LRRC8D: variants seen among roughly 807,000 people sequenced by gnomAD.
LRRC8D encodes the protein volume-regulated anion channel subunit LRRC8D.
LRRC8D carries 20 observed loss-of-function variants against 55.8 expected under a neutral mutation model. That is an observed-to-expected ratio of 0.36 (90% confidence interval 0.25 to 0.52). The LOEUF (loss-of-function observed/expected upper bound fraction) is 0.52. Ranked by LOEUF, LRRC8D falls within the 20% of genes least tolerant of loss-of-function variation. LRRC8D has a pLI of 0.93. For synonymous variants in LRRC8D, 352 were observed against 377.0 expected (o/e 0.93, Z 0.77); for missense variants, 651 against 1,030.8 (o/e 0.63, Z 5.05).
intron 2 of LRRC8D, among the ~76,000 whole-genome samples, chr1:89,930,083 C>T (rs1663665852): frequency 6.6e-6 from 1 of 152,156 alleles, no homozygotes; most frequent in Non-Finnish European, 1.5e-5. Context: ...TCCCCCCAAC[C>T]CCCATTTCTG....
At chr1:89,924,893 A>C (rs1663517797) in intron 2 of LRRC8D, among the ~76,000 whole-genome samples, 1 of 152,176 alleles carries the variant, frequency 6.6e-6, no homozygotes, top group Non-Finnish European at 1.5e-5. Context: ...AGAAGGGAAC[A>C]ATAGACACAG....
At chr1:89,851,787 G>A (rs11584581) in intron 2 of LRRC8D, among the ~76,000 whole-genome samples, 30,551 of 152,006 alleles carry the variant, frequency 0.2, 3,706 homozygotes, top group Middle Eastern at 0.35. Flanking sequence ...TAGGATTACA[G>A]GCATGAGCCA....
intron 2 of LRRC8D, among the ~76,000 whole-genome samples, chr1:89,899,071 C>G (rs1159862993): frequency 6.6e-6 from 1 of 152,200 alleles, no homozygotes; most frequent in Admixed American, 6.5e-5. Context: ...AACACCCAGG[C>G]CTTTCATTCT....
At chr1:89,932,087 G>A (rs1663718090) in intron 2 of LRRC8D, among the ~76,000 whole-genome samples, 1 of 152,128 alleles carries the variant, frequency 6.6e-6, no homozygotes, top group Non-Finnish European at 1.5e-5. Context: ...CAGGATGATT[G>A]TCCTTGTCCT....
chr1:89,875,916 A>T (rs1307262975), intron 2 of LRRC8D, among the ~76,000 whole-genome samples: 1 of 152,244 alleles, frequency 6.6e-6, no homozygotes, highest in African/African-American at 2.4e-5. Flanking sequence ...AAAGGAATTT[A>T]AAAAATAAAG....
chr1:89,873,446 G>A (rs555480056), intron 2 of LRRC8D, among the ~76,000 whole-genome samples: 1 of 152,168 alleles, frequency 6.6e-6, no homozygotes, highest in Non-Finnish European at 1.5e-5. Flanking sequence ...AAAGCCAGCT[G>A]GAGGCAGCAA....
At position 89,933,521 on chromosome 1, in the gene LRRC8D, A is replaced by G. The variant is rs750668679; in HGVS notation, c.453A>G (p.Gln151=). Residue 151 remains glutamine (Q), a synonymous_variant, in exon 3 of 3, where the codon CAA becomes CAG. Coordinates refer to ENST00000337338, the MANE Select transcript of LRRC8D (RefSeq NM_001134479.2). This position sits in a 1 kb window ranked among gnomAD's most constrained non-coding sequence, Gnocchi z 7.0. The stretch of plus-strand genomic sequence containing the variant: ...TTCAGCAATATGTATTTATTAATCA[A>G]ATGTGTTACCATCTGGCCCTTCCGT... ...LDFQQYVFIN[Q]MCYHLALPWY... is the part of the protein sequence containing the mutation. The G allele has an allele frequency of 4.1e-5, 66 of 1,614,030 alleles. No homozygotes were observed. The highest frequency in any genetic ancestry group is 5.5e-5 in the Non-Finnish European group (65 of 1,180,002).
chr1:89,892,146 T>G (rs1335029860), intron 2 of LRRC8D, among the ~76,000 whole-genome samples: 2 of 152,250 alleles, frequency 1.3e-5, no homozygotes. Context: ...TTGCCCCATA[T>G]GAAGCTCACA....
intron 2 of LRRC8D, among the ~76,000 whole-genome samples, chr1:89,853,784 C>T (rs955301573): frequency 6.6e-6 from 1 of 152,062 alleles, no homozygotes; most frequent in Admixed American, 6.5e-5. Context: ...ACCTCTAAAG[C>T]CTAACACTGG....
rs186283186 is a variant in LRRC8D at position 89,848,771 on chromosome 1, C to T, written c.-3+4989C>T. 4.8e-4 allele frequency among the ~76,000 whole-genome samples: 73 copies of T among 152,120 alleles called. 1 individual carries two copies. The highest frequency in any genetic ancestry group is 1.7e-3 in the African/African-American group (72 of 41,498). On this transcript the variant is annotated intron_variant, in intron 2 of 2. Transcript: ENST00000337338. ...CTGGAGTGCAGTGGCGCGATCTCGG[C>T]TCACTGCAAGCTCTGCCTCCCAGGT...
Position 89,933,815 on chromosome 1 carries a change from C to G in LRRC8D, c.747C>G (p.Ala249=). 1 of 1,614,140 alleles carries G rather than the reference C, an allele frequency of 6.2e-7. No homozygotes were observed. Among genetic ancestry groups the G allele is most frequent in the Non-Finnish European group, 8.5e-7 (1 of 1,180,018 alleles). ...STSSDEGSPS[A]STPMINKTGF... is the part of the protein sequence containing the mutation. ...GCAGTGATGAAGGGAGCCCCAGTGC[C>G]AGTACACCAATGATCAATAAAACTG... Residue 249 remains alanine (A), a synonymous_variant, in exon 3 of 3, where the codon GCC becomes GCG. Coordinates refer to ENST00000337338, the MANE Select transcript of LRRC8D (RefSeq NM_001134479.2). This position sits in a 1 kb window ranked among gnomAD's most constrained non-coding sequence, Gnocchi z 7.0.
At chr1:89,891,688 C>T (rs918213245) in intron 2 of LRRC8D, among the ~76,000 whole-genome samples, 6 of 152,106 alleles carry the variant, frequency 3.9e-5, no homozygotes, top group Non-Finnish European at 8.8e-5. Flanking sequence ...TAATGATAAC[C>T]ACAATAATGT....
At chr1:89,898,150 G>A (rs1480802555) in intron 2 of LRRC8D, among the ~76,000 whole-genome samples, 1 of 152,104 alleles carries the variant, frequency 6.6e-6, no homozygotes, top group Non-Finnish European at 1.5e-5. Flanking sequence ...CATTGAATAC[G>A]AGCCAGTAAG....
intron 2 of LRRC8D, among the ~76,000 whole-genome samples, chr1:89,862,845 A>G (rs546587522): frequency 1.3e-5 from 2 of 152,330 alleles, no homozygotes; most frequent in South Asian, 2.1e-4. Context: ...GATCCAAGGA[A>G]GATCATCTGG....
chr1:89,908,637 C>G (rs1188347774), intron 2 of LRRC8D, among the ~76,000 whole-genome samples: 1 of 152,162 alleles, frequency 6.6e-6, no homozygotes, highest in Non-Finnish European at 1.5e-5. Context: ...TGTTGAAATG[C>G]TAGTCAGGTT....
Position 89,843,705 on chromosome 1 carries a change from T to A in LRRC8D, c.-80T>A. The A allele has an allele frequency of 1.4e-6, 1 of 701,972 alleles. No individual in the cohort carries two copies. Among genetic ancestry groups the A allele is most frequent in the Non-Finnish European group, 2.6e-6 (1 of 384,664 alleles). 43.5% of individuals were successfully genotyped at this position (701,972 alleles called of 1,614,324 possible). A position where few individuals can be genotyped will look rare whatever the true frequency, so the allele number is the denominator to read the frequency against. On this transcript the variant is annotated 5_prime_UTR_variant, in exon 2 of 3. Coordinates refer to ENST00000337338, the MANE Select transcript of LRRC8D (RefSeq NM_001134479.2). ...GGAGGAGTGAAGTCTCCTGTCGCCGTGGTTCCAGCCTCCGGAGCTCGCCCA... is the reference window on the plus strand; with the variant it reads ...GGAGGAGTGAAGTCTCCTGTCGCCGAGGTTCCAGCCTCCGGAGCTCGCCCA...
intron 2 of LRRC8D, among the ~76,000 whole-genome samples, chr1:89,907,435 C>T (rs1663025452): frequency 6.6e-6 from 1 of 152,058 alleles, no homozygotes; most frequent in Non-Finnish European, 1.5e-5. Flanking sequence ...AGATGATCCA[C>T]CCACCTAACC....
chr1:89,831,450 A>G (rs1371838668), intron 1 of LRRC8D, among the ~76,000 whole-genome samples: 1 of 152,162 alleles, frequency 6.6e-6, no homozygotes, highest in Non-Finnish European at 1.5e-5. Context: ...ATAAAAGGGG[A>G]GAGGACCGGT....
At chr1:89,843,402 G>T in intron 1 of LRRC8D, 1 of 328,766 alleles carries the variant, frequency 3.0e-6, no homozygotes, top group Non-Finnish European at 5.5e-6. Flanking sequence ...CGGGCGGGTG[G>T]CTGGCAGCGA....
Sources: allele counts gnomAD v4.1 joint callset (sites outside exome capture counted in the v4.1 genomes callset), GRCh38; gene constraint gnomAD v4.1.1; non-coding constraint Gnocchi (gnomAD v3.1); transcripts MANE v1.5; gene names NCBI Gene and HGNC (gene_info 2026-07-23, HGNC 2026-07-21).